FIRRM: variants seen among roughly 807,000 people sequenced by gnomAD.
FIRRM encodes FIGNL1-interacting regulator of recombination and mitosis.
chr1:169,795,547 T>C, the FIRRM span: 10 of 1,069,260 alleles, frequency 9.4e-6, no homozygotes, highest in African/African-American at 1.7e-4. Context: ...TGCTAGTGGA[T>C]AATGGGGGAG....
At chr1:169,806,644 A>G in the FIRRM span, among the ~76,000 whole-genome samples, 4 of 152,336 alleles carry the variant, frequency 2.6e-5, no homozygotes, top group East Asian at 5.8e-4. Flanking sequence ...ACACATACAT[A>G]AAACATTAAA....
At chr1:169,814,970 T>G in the FIRRM span, among the ~76,000 whole-genome samples, 2 of 152,096 alleles carry the variant, frequency 1.3e-5, no homozygotes, top group African/African-American at 2.4e-5. Context: ...TTTTGTTTTT[T>G]TTTTTGTAAA....
the FIRRM span, chr1:169,832,469 T>G: frequency 6.2e-7 from 1 of 1,613,912 alleles, no homozygotes; most frequent in African/African-American, 1.3e-5. Context: ...TCAATACTGT[T>G]GAAGCGTCTC....
At chr1:169,830,340 C>T in the FIRRM span, 5 of 1,613,158 alleles carry the variant, frequency 3.1e-6, no homozygotes, top group South Asian at 2.2e-5. Flanking sequence ...CTTCCTTGCT[C>T]GGTACAACAT....
chr1:169,789,002 C>T, the FIRRM span, among the ~76,000 whole-genome samples: 4 of 152,112 alleles, frequency 2.6e-5, no homozygotes, highest in Admixed American at 2.6e-4. Context: ...CTGTGGCTTC[C>T]CCCAACCATC....
the FIRRM span, among the ~76,000 whole-genome samples, chr1:169,847,373 C>G: frequency 1.6e-5 from 2 of 122,420 alleles, no homozygotes; most frequent in Admixed American, 1.6e-4. Flanking sequence ...AATCAAAGCA[C>G]AATAAAATAC....
the FIRRM span, chr1:169,827,030 T>G: frequency 6.2e-7 from 1 of 1,607,774 alleles, no homozygotes; most frequent in South Asian, 1.1e-5. Flanking sequence ...ATGAATGAGT[T>G]TTTTTTCTCT....
At chr1:169,809,774 C>T in the FIRRM span, among the ~76,000 whole-genome samples, 1 of 152,132 alleles carries the variant, frequency 6.6e-6, no homozygotes, top group Non-Finnish European at 1.5e-5. Context: ...TGTATAATTT[C>T]TTCAATCTTA....
At chr1:169,837,168 G>C in the FIRRM span, 1 of 1,436,584 alleles carries the variant, frequency 7.0e-7, no homozygotes, top group Non-Finnish European at 9.3e-7. Flanking sequence ...ATTGAGCATT[G>C]TTTTAGGTAC....
the FIRRM span, chr1:169,830,133 T>C: frequency 4.2e-6 from 3 of 706,498 alleles, no homozygotes; most frequent in Non-Finnish European, 6.9e-6. Flanking sequence ...AAAGTAGAAC[T>C]CCCCCATTGA....
At chr1:169,786,681 TAGA>T in the FIRRM span, among the ~76,000 whole-genome samples, 1 of 152,230 alleles carries the variant, frequency 6.6e-6, no homozygotes, top group Non-Finnish European at 1.5e-5. Context: ...AGCAGAGATC[TAGA>T]AGAATTTTGA....
chr1:169,802,346 G>A, the FIRRM span, among the ~76,000 whole-genome samples: 2 of 152,094 alleles, frequency 1.3e-5, no homozygotes, highest in Non-Finnish European at 2.9e-5. Flanking sequence ...TGAACTTTGA[G>A]TGATTTTTTA....
chr1:169,794,889 A>C, the FIRRM span: 1 of 560,208 alleles, frequency 1.8e-6, no homozygotes, highest in Admixed American at 3.0e-5. Flanking sequence ...CCTCCTCCGG[A>C]CCTAAATCGC....
chr1:169,785,558 TCTC>T, the FIRRM span, among the ~76,000 whole-genome samples: 1 of 152,058 alleles, frequency 6.6e-6, no homozygotes, highest in Non-Finnish European at 1.5e-5. Flanking sequence ...CAGCAGCCGA[TCTC>T]CTCTCCAGTC....
chr1:169,830,814 T>G, the FIRRM span: 2 of 1,371,504 alleles, frequency 1.5e-6, no homozygotes, highest in Non-Finnish European at 2.1e-6. Context: ...ATGATAATCT[T>G]TAAGAATGTG....
chr1:169,837,968 G>A, the FIRRM span, among the ~76,000 whole-genome samples: 32 of 152,140 alleles, frequency 2.1e-4, 1 homozygote, highest in South Asian at 5.4e-3. Context: ...ATGAGGTTTC[G>A]TTCTTATTGC....
At chr1:169,832,422 G>A in the FIRRM span, 1 of 1,611,426 alleles carries the variant, frequency 6.2e-7, no homozygotes, top group South Asian at 1.1e-5. Flanking sequence ...TCCAGATAAA[G>A]TCATGCCCTG....
chr1:169,823,269 GAAAA>G, the FIRRM span: 458 of 469,980 alleles, frequency 9.7e-4, 1 homozygote, highest in Non-Finnish European at 1.5e-3. Context: ...AAAAAGAAAA[GAAAA>G]GAAAGAAAAA....
the FIRRM span, among the ~76,000 whole-genome samples, chr1:169,800,347 AT>A: frequency 8.5e-5 from 13 of 152,156 alleles, no homozygotes; most frequent in African/African-American, 1.7e-4. Context: ...GCGTGGCATA[AT>A]TTTTTTTAAG....
Sources: allele counts gnomAD v4.1 joint callset (sites outside exome capture counted in the v4.1 genomes callset), GRCh38; gene constraint gnomAD v4.1.1; transcripts MANE v1.5; gene names NCBI Gene and HGNC (gene_info 2026-07-23, HGNC 2026-07-21).